PTPN12: variants seen among roughly 807,000 people sequenced by gnomAD.
The protein encoded by PTPN12 is protein tyrosine phosphatase non-receptor type 12.
A neutral mutation model predicts 97.6 loss-of-function variants in PTPN12; 29 were observed. The ratio of observed to expected loss-of-function variants is 0.30; its 90% CI spans 0.22 to 0.41. PTPN12 has a LOEUF of 0.41. PTPN12 is among the 10% of genes least tolerant of loss of function. The pLI is 1.00. For synonymous variants in PTPN12, 327 were observed against 300.4 expected, an observed-to-expected ratio of 1.09 and a Z score of -0.91; for missense variants, 819 against 926.0, an observed-to-expected ratio of 0.88 and a Z score of 1.50.
chr7:77,539,938 C>G (rs909767973), intron 1 of PTPN12, among the ~76,000 whole-genome samples: 2 of 152,162 alleles, frequency 1.3e-5, no homozygotes, highest in Non-Finnish European at 2.9e-5. Context: ...TTTGGCCTCC[C>G]AAAGTGCTGG....
chr7:77,589,854 T>C (rs1787809994), intron 5 of PTPN12, among the ~76,000 whole-genome samples: 1 of 152,214 alleles, frequency 6.6e-6, no homozygotes, highest in Non-Finnish European at 1.5e-5. Context: ...TCTCTTTTCA[T>C]TATATTAGTA....
At chr7:77,538,643 T>C (rs1036774410) in intron 1 of PTPN12, 7 of 152,006 alleles carry the variant, frequency 4.6e-5, no homozygotes, top group African/African-American at 1.7e-4. Context: ...GATACACTAT[T>C]GCTTTAGCAC....
intron 12 of PTPN12, among the ~76,000 whole-genome samples, chr7:77,620,893 A>T (rs1788910096): frequency 6.6e-6 from 1 of 152,184 alleles, no homozygotes; most frequent in South Asian, 2.1e-4. Context: ...GGTGCCAGTG[A>T]GCCAAGTTCA....
At chr7:77,569,193 T>C (rs1808374531) in intron 1 of PTPN12, among the ~76,000 whole-genome samples, 1 of 152,228 alleles carries the variant, frequency 6.6e-6, no homozygotes, top group Non-Finnish European at 1.5e-5. Context: ...CCAGAGATGA[T>C]ATATGCATAT....
At chr7:77,555,874 C>A (rs1250464032) in intron 1 of PTPN12, among the ~76,000 whole-genome samples, 1 of 151,920 alleles carries the variant, frequency 6.6e-6, no homozygotes, top group Admixed American at 6.6e-5. Flanking sequence ...GAGATCACAC[C>A]ATTGCACTCC....
chr7:77,558,882 G>A (rs1461565138), intron 1 of PTPN12, among the ~76,000 whole-genome samples: 1 of 152,114 alleles, frequency 6.6e-6, no homozygotes, highest in Non-Finnish European at 1.5e-5. Context: ...GTCATGGTGT[G>A]CACCTGTGTA....
At chr7:77,585,694 G>A in intron 5 of PTPN12, 113 bp downstream of exon 5, 4 of 839,176 alleles carry the variant, frequency 4.8e-6, no homozygotes, top group Admixed American at 2.5e-5. Flanking sequence ...TTTATTTTGG[G>A]GTACTGCTGT....
intron 2 of PTPN12, among the ~76,000 whole-genome samples, chr7:77,580,546 C>T (rs1383732057): frequency 6.6e-6 from 1 of 152,030 alleles, no homozygotes; most frequent in East Asian, 1.9e-4. Flanking sequence ...GGAGAGAGCC[C>T]TGGAATTGAA....
In PTPN12 at chr7:77,625,413, A is replaced by T. The variant is rs147313016; in HGVS notation, c.1026-1292A>T. ...ACTACAAGCATGCATTGCCACATCC[A>T]GTTAATTTTTTTGTATTTGTTAAAG... On this transcript the variant is annotated intron_variant, in intron 12 of 17. Coordinates refer to ENST00000248594, the MANE Select transcript of PTPN12 (RefSeq NM_002835.4). Among the ~76,000 whole-genome samples the T allele has an allele frequency of 4.5e-3, 611 of 135,156 alleles. 3 individuals are homozygous for T. Among genetic ancestry groups the T allele is most frequent in the Middle Eastern group, 0.037 (8 of 218 alleles). The allele number at this position is 135,156 out of a possible 152,430, so 88.7% of individuals were successfully genotyped here.
intron 1 of PTPN12, among the ~76,000 whole-genome samples, chr7:77,540,923 T>A (rs970074712): frequency 2.0e-5 from 3 of 152,202 alleles, no homozygotes; most frequent in African/African-American, 2.4e-5. Flanking sequence ...TATTCCAAAT[T>A]TGGAAATTAA....
chr7:77,581,836 T>C (rs1481746973), intron 3 of PTPN12, among the ~76,000 whole-genome samples: 1 of 152,224 alleles, frequency 6.6e-6, no homozygotes, highest in Non-Finnish European at 1.5e-5. Context: ...TTGACCCATA[T>C]AGGTTGTTTC....
chr7:77,633,820 T>A (rs4727448), intron 14 of PTPN12, among the ~76,000 whole-genome samples: 104,056 of 151,666 alleles, frequency 0.69, 36,741 homozygotes, highest in East Asian at 0.9. Flanking sequence ...CCTAAGAGTT[T>A]GAGACCAGCC....
chr7:77,569,505 T>A (rs1339974485), intron 1 of PTPN12, among the ~76,000 whole-genome samples: 13 of 152,130 alleles, frequency 8.5e-5, no homozygotes, highest in African/African-American at 2.9e-4. Flanking sequence ...GGCGCGTGGC[T>A]CACACCTGTA....
intron 1 of PTPN12, among the ~76,000 whole-genome samples, chr7:77,540,208 T>C (rs998959409): frequency 2.0e-5 from 3 of 151,880 alleles, no homozygotes; most frequent in African/African-American, 7.3e-5. Context: ...GGGATTCCTA[T>C]TGGAGAGTTC....
At chr7:77,541,374 G>A (rs1340266036) in intron 1 of PTPN12, among the ~76,000 whole-genome samples, 2 of 152,158 alleles carry the variant, frequency 1.3e-5, no homozygotes, top group Non-Finnish European at 2.9e-5. Flanking sequence ...ACAGGTGTGA[G>A]CCACCGTAGC....
intron 2 of PTPN12, among the ~76,000 whole-genome samples, chr7:77,573,082 CAA>C (rs1219989240): frequency 2.7e-5 from 1 of 36,378 alleles, no homozygotes; most frequent in Non-Finnish European, 3.9e-5. Flanking sequence ...GACTCTATCT[CAA>C]AAAAAAAAAA....
chr7:77,630,758 A>G (rs1053378929), intron 13 of PTPN12, among the ~76,000 whole-genome samples: 3 of 152,224 alleles, frequency 2.0e-5, no homozygotes, highest in African/African-American at 7.2e-5. Flanking sequence ...GTCTTGACTT[A>G]GGCCTCCTGA....
intron 1 of PTPN12, among the ~76,000 whole-genome samples, chr7:77,541,248 A>G (rs1199729186): frequency 6.6e-6 from 1 of 151,972 alleles, no homozygotes; most frequent in Admixed American, 6.6e-5. Context: ...CACCCCACCA[A>G]GCCCTGCTGA....
At chr7:77,583,188 A>G (rs1351696045) in intron 3 of PTPN12, among the ~76,000 whole-genome samples, 4 of 152,186 alleles carry the variant, frequency 2.6e-5, no homozygotes, top group African/African-American at 7.2e-5. Flanking sequence ...GCTCTTCACT[A>G]GTTTTAGTAT....
Sources: allele counts gnomAD v4.1 joint callset (sites outside exome capture counted in the v4.1 genomes callset), GRCh38; gene constraint gnomAD v4.1.1; transcripts MANE v1.5; gene names NCBI Gene and HGNC (gene_info 2026-07-23, HGNC 2026-07-21).